Variants in CYYR1 observed in about 807,000 individuals in gnomAD.
The protein encoded by CYYR1 is cysteine and tyrosine rich 1.
Under a neutral mutation model 15.2 loss-of-function variants are expected in CYYR1, and 14 were observed. The ratio of observed to expected loss-of-function variants is 0.92; its 90% CI spans 0.61 to 1.44. CYYR1 has a LOEUF of 1.44. Ranked by LOEUF, CYYR1 falls within the 40% of genes most tolerant of loss-of-function variation. The pLI is 0.00. For synonymous variants in CYYR1, 80 were observed against 77.4 expected (o/e 1.03, Z -0.18); for missense variants, 228 against 209.5 (o/e 1.09, Z -0.54).
intron 2 of CYYR1, among the ~76,000 whole-genome samples, chr21:26,566,020 AAAG>A (rs1399764763): frequency 3.3e-5 from 5 of 152,232 alleles, no homozygotes; most frequent in South Asian, 2.1e-4. Flanking sequence ...TAAAACAATA[AAAG>A]AATAACTCTT....
rs1002225046 is a variant in CYYR1 at position 26,572,840 on chromosome 21, A to C, written c.73+28T>G. On this transcript the variant is annotated intron_variant, in intron 1 of 3. Coordinates refer to ENST00000652641, the MANE Select transcript of CYYR1 (RefSeq NM_001320768.2). ...ACCCAAGGGCAGCCCCGAGCCTCTG[A>C]CCCTCTCCGCCGCCCTCCGTCACTG... 8 of 1,612,014 alleles carry C rather than the reference A, an allele frequency of 5.0e-6. No homozygotes were observed. The African/African-American group carries it at 1.1e-4, about 22-fold the overall frequency.
rs757702759 is a variant in CYYR1, at chr21:26,572,930, G to T, written c.11C>A (p.Pro4Gln). MDA[P>Q]RLPVRPGVLL... ...GACCCCTGGACGCACGGGTAGCCTC[G>T]GAGCGTCCATCCAAGCCGGTGGCCT... The change falls in exon 1 of 4, where the codon CCG becomes CAG. Residue 4 changes from proline (P) to glutamine (Q), a missense_variant. Pro to Gln is a moderately conservative substitution (Grantham distance 76). Transcript: ENST00000652641. 1 of 1,613,942 alleles carries T rather than the reference G, an allele frequency of 6.2e-7. No individual in the cohort carries two copies. The highest frequency in any genetic ancestry group is 8.5e-7 in the Non-Finnish European group (1 of 1,179,994).
chr21:26,557,681 T>A (rs1232376483), intron 2 of CYYR1, among the ~76,000 whole-genome samples: 1 of 152,110 alleles, frequency 6.6e-6, no homozygotes, highest in Non-Finnish European at 1.5e-5. Context: ...TCAGAAAATC[T>A]CATTCATTCC....
intron 3 of CYYR1, among the ~76,000 whole-genome samples, chr21:26,473,683 A>G (rs219647): frequency 0.98 from 148,479 of 152,270 alleles, 72,448 homozygotes; most frequent in African/African-American, 0.99. Context: ...CTGTTTTCTC[A>G]AGAAATGAGA....
chr21:26,493,344 A>G (rs456751), intron 2 of CYYR1, among the ~76,000 whole-genome samples: 122,970 of 151,750 alleles, frequency 0.81, 50,701 homozygotes, highest in Non-Finnish European at 0.88. Context: ...ACCAGACTGC[A>G]TCCAGGCATT....
At chr21:26,510,162 AG>A (rs2065626901) in intron 2 of CYYR1, among the ~76,000 whole-genome samples, 2 of 152,230 alleles carry the variant, frequency 1.3e-5, no homozygotes, top group African/African-American at 2.4e-5. Context: ...CAAATATAAA[AG>A]TTTGTAAACA....
chr21:26,482,536 A>G lies in CYYR1; in HGVS notation c.177-2107T>C, dbSNP rs2065195987. 4 of 984,558 alleles carry G rather than the reference A, an allele frequency of 4.1e-6. No homozygotes were observed. In the Admixed American group the frequency reaches 1.8e-4, roughly 46 times the overall value. The allele number at this position is 984,558 out of a possible 1,614,324, so 61.0% of individuals were successfully genotyped here. A position where few individuals can be genotyped will look rare whatever the true frequency, so the allele number is the denominator to read the frequency against. ...TTAGTTTCTGGACCCAATTCTTGCT[A>G]ATTCTTGGTGAACTGCATTGTTTGT... On this transcript the variant is annotated intron_variant, in intron 2 of 3. Transcript: ENST00000652641.
chr21:26,571,517 TAAACAAAC>T (rs71329845), intron 1 of CYYR1, among the ~76,000 whole-genome samples: 4 of 152,000 alleles, frequency 2.6e-5, no homozygotes, highest in Non-Finnish European at 5.9e-5. Flanking sequence ...GGGAATATAA[TAAACAAAC>T]AAACAAACAA....
At chr21:26,540,425 G>A (rs905134484) in intron 2 of CYYR1, among the ~76,000 whole-genome samples, 1 of 152,118 alleles carries the variant, frequency 6.6e-6, no homozygotes, top group Non-Finnish European at 1.5e-5. Flanking sequence ...AAAACCAGGG[G>A]ACAGAGTTTA....
At position 26,466,618 on chromosome 21, in the gene CYYR1, C is replaced by A. The variant is rs1302155526; in HGVS notation, c.*1883G>T. ...CCCTATTTCTGCTGATCTTTCCTTT[C>A]CGTTTTCCTTAAAGAATATAAGGTA... On this transcript the variant is annotated 3_prime_UTR_variant, in exon 4 of 4. Transcript: ENST00000652641. 6.6e-6 allele frequency: 1 copy of A among 152,088 alleles called. No homozygotes were observed. The highest frequency in any genetic ancestry group is 2.4e-5 in the African/African-American group (1 of 41,428). 9.4% of individuals were successfully genotyped at this position (152,088 alleles called of 1,614,324 possible).
intron 2 of CYYR1, among the ~76,000 whole-genome samples, chr21:26,542,927 G>A (rs561578377): frequency 4.6e-5 from 7 of 152,192 alleles, no homozygotes; most frequent in African/African-American, 1.7e-4. Context: ...GGCAAGGACT[G>A]ACTCACATTT....
At chr21:26,480,976 A>G (rs960992416) in intron 2 of CYYR1, among the ~76,000 whole-genome samples, 1 of 152,184 alleles carries the variant, frequency 6.6e-6, no homozygotes, top group East Asian at 1.9e-4. Context: ...AACAGTTATG[A>G]CAAATAAGTA....
intron 2 of CYYR1, among the ~76,000 whole-genome samples, chr21:26,505,095 A>G (rs1457313299): frequency 6.6e-6 from 1 of 152,236 alleles, no homozygotes; most frequent in African/African-American, 2.4e-5. Flanking sequence ...TGCTGAAAGG[A>G]AAAAGTTCTG....
chr21:26,527,406 A>C (rs1367976837), intron 2 of CYYR1, among the ~76,000 whole-genome samples: 2 of 152,198 alleles, frequency 1.3e-5, no homozygotes, highest in African/African-American at 2.4e-5. Flanking sequence ...TAACCAAATA[A>C]AGTCAAATCA....
At chr21:26,504,223 T>C (rs946060863) in intron 2 of CYYR1, among the ~76,000 whole-genome samples, 6 of 141,632 alleles carry the variant, frequency 4.2e-5, no homozygotes, top group Non-Finnish European at 7.9e-5. Flanking sequence ...CTCTTTGTGA[T>C]GTATTTATTT....
intron 2 of CYYR1, chr21:26,550,996 C>G (rs1979345804): frequency 1.3e-5 from 2 of 152,652 alleles, no homozygotes; most frequent in African/African-American, 4.8e-5. Context: ...CAGGGTGACT[C>G]TCTTGTCAGA....
At chr21:26,558,111 A>G (rs1391455205) in intron 2 of CYYR1, among the ~76,000 whole-genome samples, 1 of 152,172 alleles carries the variant, frequency 6.6e-6, no homozygotes, top group Non-Finnish European at 1.5e-5. Context: ...TAGTGGCAGT[A>G]ATGCCTGGGA....
At chr21:26,542,294 T>TTC (rs1439729171) in intron 2 of CYYR1, among the ~76,000 whole-genome samples, 351 of 142,880 alleles carry the variant, frequency 2.5e-3, no homozygotes, top group Non-Finnish European at 4.5e-3. Context: ...TGTGTGCGTG[T>TTC]GTGTGTGTGT....
chr21:26,573,061 C>A lies in CYYR1; in HGVS notation c.-121G>T. ...CTGAGAGCCGGGTGGAGCAGAGACC[C>A]GGCCATTGCCTAGGGAGCCTTCCAA... is the stretch of plus-strand genomic sequence containing the variant. On this transcript the variant is annotated 5_prime_UTR_variant, in exon 1 of 4. Transcript: ENST00000652641. 2.6e-6 allele frequency: 4 copies of A among 1,568,192 alleles called. No homozygotes were observed. Among genetic ancestry groups the A allele is most frequent in the Non-Finnish European group, 3.5e-6 (4 of 1,159,110 alleles).
Sources: gnomAD v4.1 joint callset for allele counts (sites outside exome capture counted in the v4.1 genomes callset) on GRCh38, gnomAD v4.1.1 for gene constraint, MANE v1.5 for transcripts, NCBI Gene and HGNC (gene_info 2026-07-23, HGNC 2026-07-21) for gene names.